The following RBFOX2 variants were observed in gnomAD, a reference collection of about 807,000 sequenced individuals.
RBFOX2 encodes RNA binding fox-1 homolog 2, also known as RNA binding protein fox-1 homolog 2.
A neutral mutation model predicts 49.1 loss-of-function variants in RBFOX2; 10 were observed. The ratio of observed to expected loss-of-function variants is 0.20; its 90% confidence interval spans 0.13 to 0.35. The LOEUF (loss-of-function observed/expected upper bound fraction) is 0.35, where lower values mean the gene tolerates loss of function less well. RBFOX2 is among the 10% of genes least tolerant of loss of function. The pLI, the probability that RBFOX2 is intolerant of heterozygous loss-of-function variation, is 1.00. For missense variants in RBFOX2, 323 were observed against 486.9 expected, an observed-to-expected ratio of 0.66 and a Z score of 3.17; for synonymous variants, 183 against 187.4, an observed-to-expected ratio of 0.98 and a Z score of 0.19.
intron 1 of RBFOX2, among the ~76,000 whole-genome samples, chr22:35,985,938 AG>A (rs2057700503): frequency 6.6e-6 from 1 of 151,214 alleles, no homozygotes; most frequent in African/African-American, 2.4e-5. Flanking sequence ...ATAGATAGAT[AG>A]ATAGATAGAT....
intron 1 of RBFOX2, chr22:35,824,206 TC>T (rs1329177204): frequency 6.6e-6 from 1 of 151,644 alleles, no homozygotes; most frequent in African/African-American, 2.4e-5. Flanking sequence ...CCTAATGCCA[TC>T]TACAAACACA....
chr22:35,914,881 A>C (rs923159447), intron 1 of RBFOX2, among the ~76,000 whole-genome samples: 5 of 152,356 alleles, frequency 3.3e-5, no homozygotes, highest in Middle Eastern at 3.4e-3. Context: ...TTCTGACCTT[A>C]ATCAAAAAGG....
intron 1 of RBFOX2, among the ~76,000 whole-genome samples, chr22:35,919,465 G>A (rs970129403): frequency 8.6e-5 from 13 of 151,914 alleles, no homozygotes; most frequent in Non-Finnish European, 1.3e-4. Context: ...CCTGGGAGGC[G>A]GAGGTTGCAG....
chr22:35,879,399 G>T (rs181581293), intron 1 of RBFOX2, among the ~76,000 whole-genome samples: 53 of 152,326 alleles, frequency 3.5e-4, no homozygotes, highest in African/African-American at 1.3e-3. Flanking sequence ...ACACTCCAGA[G>T]ATTATTTAAA....
intron 1 of RBFOX2, among the ~76,000 whole-genome samples, chr22:35,946,989 C>T (rs913024170): frequency 3.3e-5 from 5 of 152,196 alleles, no homozygotes; most frequent in Admixed American, 6.5e-5. Flanking sequence ...GTCAGGAGTT[C>T]GAGACCAGCC....
chr22:35,963,711 T>A (rs1259831304), upstream of RBFOX2, among the ~76,000 whole-genome samples: 1 of 152,176 alleles, frequency 6.6e-6, no homozygotes, highest in African/African-American at 2.4e-5. Flanking sequence ...TTCAAAAAAA[T>A]AAAAACACCA....
Position 35,785,999 on chromosome 22 carries a change from T to C in RBFOX2, c.253-4253A>G, listed in dbSNP as rs374576691. 2.0e-5 allele frequency among the ~76,000 whole-genome samples: 3 copies of C among 152,332 alleles called. No individual in the cohort carries two copies. In the East Asian group the frequency reaches 5.8e-4, roughly 29 times the overall value. On this transcript the variant is annotated intron_variant, in intron 2 of 11. Coordinates refer to ENST00000405409, the Ensembl canonical transcript of RBFOX2. ...GGATCACATGAAACTTTATCTTCAA[T>C]CAAACTTTAAAACCACCAGATCTGG...
upstream of RBFOX2, among the ~76,000 whole-genome samples, chr22:35,840,853 T>A (rs913750516): frequency 2.6e-5 from 4 of 152,228 alleles, no homozygotes; most frequent in African/African-American, 9.6e-5. Context: ...ACATTTTTAC[T>A]GATGTACAGT....
intron 1 of RBFOX2, among the ~76,000 whole-genome samples, chr22:35,982,589 G>C (rs1368008298): frequency 6.6e-6 from 1 of 152,126 alleles, no homozygotes; most frequent in East Asian, 1.9e-4. Flanking sequence ...AGAATGAACA[G>C]GGAAGTGGGT....
intron 1 of RBFOX2, among the ~76,000 whole-genome samples, chr22:35,977,722 CTATATATATATATATATATATA>C (rs375088964): frequency 2.5e-4 from 20 of 80,876 alleles, no homozygotes; most frequent in African/African-American, 6.2e-4. Flanking sequence ...CCTGAATGAA[CTATATATATATATATATATATA>C]TATATATATA....
At chr22:35,875,607 GGTGTGTGT>G (rs56137825) in intron 1 of RBFOX2, among the ~76,000 whole-genome samples, 9,047 of 117,596 alleles carry the variant, frequency 0.077, 345 homozygotes, top group East Asian at 0.16. Context: ...TGCTCACAAG[GGTGTGTGT>G]GTGTGTGTGT....
At chr22:35,873,415 C>T (rs1410447485) in intron 1 of RBFOX2, among the ~76,000 whole-genome samples, 5 of 152,008 alleles carry the variant, frequency 3.3e-5, no homozygotes, top group Non-Finnish European at 7.4e-5. Context: ...CCACCACACC[C>T]GACCCTGAAT....
Position 35,938,327 on chromosome 22 carries a change from G to A in RBFOX2, c.-34+520C>T, listed in dbSNP as rs546497493. On this transcript the variant is annotated intron_variant, in intron 1 of 13. Coordinates refer to the RBFOX2 transcript ENST00000359369. ...CAATTCTGCTCTGACCCATAATAGGGCCTGGGCTTTTCCAGTCATCCTCCC... is the reference window on the plus strand; with the variant it reads ...CAATTCTGCTCTGACCCATAATAGGACCTGGGCTTTTCCAGTCATCCTCCC... Among the ~76,000 whole-genome samples, 6 of 152,264 alleles carry A rather than the reference G, an allele frequency of 3.9e-5. No individual in the cohort carries two copies. In the East Asian group the frequency reaches 1.2e-3, roughly 29 times the overall value.
rs1050107322 is a variant in RBFOX2, at chr22:35,806,231, A to G, written c.252+3549T>C. Among the ~76,000 whole-genome samples, 21 of 152,124 alleles carry G rather than the reference A, an allele frequency of 1.4e-4. 1 individual carries two copies. Among genetic ancestry groups the G allele is most frequent in the African/African-American group, 4.3e-4 (18 of 41,428 alleles). On this transcript the variant is annotated intron_variant, in intron 2 of 11. Coordinates refer to ENST00000405409, the Ensembl canonical transcript of RBFOX2. Reference sequence around the variant, plus strand: ...AGGCCATGCATGTGTGGGAACAGAAAGTATATGGGATAAGTCTGTACTATC... The same window carrying G: ...AGGCCATGCATGTGTGGGAACAGAAGGTATATGGGATAAGTCTGTACTATC...
chr22:35,899,560 A>G (rs1204354387), intron 1 of RBFOX2, among the ~76,000 whole-genome samples: 3 of 147,442 alleles, frequency 2.0e-5, no homozygotes, highest in African/African-American at 7.9e-5. Context: ...TACCTTTAAA[A>G]CAAAACAAAA....
At chr22:35,824,833 C>T (rs1955296535) in intron 1 of RBFOX2, among the ~76,000 whole-genome samples, 1 of 152,236 alleles carries the variant, frequency 6.6e-6, no homozygotes, top group Non-Finnish European at 1.5e-5. Flanking sequence ...AAAGACATAT[C>T]TATTTCTTCT....
chr22:35,810,630 C>T lies in RBFOX2; in HGVS notation c.28-626G>A, dbSNP rs556417040. Among the ~76,000 whole-genome samples, 9 of 152,174 alleles carry T rather than the reference C, an allele frequency of 5.9e-5. No individual in the cohort carries two copies. In the East Asian group the frequency reaches 7.7e-4, roughly 13 times the overall value. Reference sequence around the variant, plus strand: ...AAATGCTCAACCTCACTAACTGTCACGAAAATTCACATTAACATCAAAGTA... The same window carrying T: ...AAATGCTCAACCTCACTAACTGTCATGAAAATTCACATTAACATCAAAGTA... On this transcript the variant is annotated intron_variant, in intron 1 of 11. Transcript: ENST00000405409.
chr22:35,933,706 A>T (rs985207190), intron 1 of RBFOX2, among the ~76,000 whole-genome samples: 18 of 152,060 alleles, frequency 1.2e-4, no homozygotes, highest in African/African-American at 4.3e-4. Flanking sequence ...TTAATCAATT[A>T]ACTTGTTAAA....
intron 4 of RBFOX2, 96 bp from the exon 6 acceptor site, chr22:35,768,445 T>C: frequency 9.2e-7 from 1 of 1,089,360 alleles, no homozygotes; most frequent in Non-Finnish European, 1.4e-6. Context: ...AGTATGAAAC[T>C]GACATCAGCA....
Sources: allele counts gnomAD v4.1 joint callset (sites outside exome capture counted in the v4.1 genomes callset), GRCh38; gene constraint gnomAD v4.1.1; transcripts MANE v1.5; gene names NCBI Gene and HGNC (gene_info 2026-07-23, HGNC 2026-07-21).